The following NINJ2 variants were observed in gnomAD, a reference collection of about 807,000 sequenced individuals.
NINJ2 encodes ninjurin 2.
A neutral mutation model predicts 11.7 loss-of-function variants in NINJ2; 12 were observed. That is an observed-to-expected ratio of 1.02 (90% CI 0.66 to 1.66). NINJ2 has a LOEUF of 1.66. Among genes scored for constraint, NINJ2 ranks in the 40% most tolerant of loss-of-function variants. NINJ2 has a pLI of 0.00. For missense variants in NINJ2, 187 were observed against 181.8 expected (o/e 1.03, Z -0.16); for synonymous variants, 93 against 76.8 (o/e 1.21, Z -1.10).
intron 1 of NINJ2, 101 bp from the exon 2 acceptor site, chr12:566,279 G>T: frequency 1.1e-6 from 1 of 922,768 alleles, no homozygotes; most frequent in Non-Finnish European, 1.6e-6. Flanking sequence ...TTCCAATCCA[G>T]ATGGGAAGCT....
At position 566,181 on chromosome 12, in the gene NINJ2, G is replaced by A; in HGVS notation, c.34-3C>T. On this transcript the variant is annotated splice_region_variant and splice_polypyrimidine_tract_variant and intron_variant, in intron 1 of 3. Transcript: ENST00000305108. Reference sequence around the variant, plus strand: ...CTCCTGGGGTCGGAGCTTCCAGGCTGTAGGGGAGAAAGCACAGACTTACCA... The same window carrying A: ...CTCCTGGGGTCGGAGCTTCCAGGCTATAGGGGAGAAAGCACAGACTTACCA... The A allele has an allele frequency of 6.2e-7, 1 of 1,611,760 alleles. No individual in the cohort carries two copies. The highest frequency in any genetic ancestry group is 8.5e-7 in the Non-Finnish European group (1 of 1,178,452).
intron 1 of NINJ2, among the ~76,000 whole-genome samples, chr12:570,653 G>T (rs781071365): frequency 2.6e-5 from 4 of 152,162 alleles, no homozygotes; most frequent in Non-Finnish European, 4.4e-5. Context: ...ACTCTTCGCC[G>T]CTGGCTCTCG....
chr12:598,283 AG>A (rs1307212799), intron 1 of NINJ2, among the ~76,000 whole-genome samples: 2 of 152,168 alleles, frequency 1.3e-5, no homozygotes, highest in Non-Finnish European at 2.9e-5. Context: ...CTGGGCACCG[AG>A]GGGGTAAGTG....
At chr12:602,211 C>T (rs1249312104) in intron 1 of NINJ2, among the ~76,000 whole-genome samples, 5 of 152,132 alleles carry the variant, frequency 3.3e-5, no homozygotes, top group African/African-American at 1.2e-4. Context: ...GGTTCAGTGG[C>T]TTTTAGTATT....
chr12:577,746 G>A (rs1258141970), intron 1 of NINJ2, among the ~76,000 whole-genome samples: 1 of 141,932 alleles, frequency 7.0e-6, no homozygotes, highest in Non-Finnish European at 1.5e-5. Context: ...TGTAGAGATG[G>A]GGTCTCACCA....
intron 1 of NINJ2, among the ~76,000 whole-genome samples, chr12:626,415 A>G (rs1338496154): frequency 3.9e-5 from 6 of 152,172 alleles, no homozygotes; most frequent in African/African-American, 1.4e-4. Context: ...TCCCAATTCT[A>G]TTGCCCAGAA....
intron 1 of NINJ2, among the ~76,000 whole-genome samples, chr12:634,265 C>CTTTTTTTTTTTTTTGTT (rs1948317946): frequency 1.7e-5 from 1 of 59,480 alleles, no homozygotes; most frequent in Non-Finnish European, 3.1e-5. Context: ...AGTTGCAGTT[C>CTTTTTTTTTTTTTTGTT]TTTTTTTTTT....
chr12:647,387 C>T (rs1937702737), intron 1 of NINJ2, among the ~76,000 whole-genome samples: 2 of 152,144 alleles, frequency 1.3e-5, no homozygotes, highest in African/African-American at 4.8e-5. Flanking sequence ...GTAAATCCCA[C>T]AAGTATGTGG....
intron 1 of NINJ2, among the ~76,000 whole-genome samples, chr12:588,180 A>AGGGACGGAAGGGACGGAG (rs796407479): frequency 9.9e-5 from 15 of 151,252 alleles, no homozygotes; most frequent in Admixed American, 9.9e-4. Context: ...AAGGGACGGA[A>AGGGACGGAAGGGACGGAG]GGGACGGAAG....
chr12:611,227 TTTTCTTTC>T (rs960162979), intron 1 of NINJ2, among the ~76,000 whole-genome samples: 3 of 143,946 alleles, frequency 2.1e-5, no homozygotes, highest in Admixed American at 7.1e-5. Flanking sequence ...CTTTCTTTCT[TTTTCTTTC>T]TTTCTTTCTT....
chr12:565,694 C>T (rs1251482207), intron 2 of NINJ2: 4 of 616,720 alleles, frequency 6.5e-6, no homozygotes, highest in African/African-American at 3.7e-5. Context: ...TAGCAGTTAG[C>T]GAGGTGCTGG....
At chr12:624,421 A>G (rs1013870536) in intron 1 of NINJ2, among the ~76,000 whole-genome samples, 1 of 152,256 alleles carries the variant, frequency 6.6e-6, no homozygotes, top group Non-Finnish European at 1.5e-5. Flanking sequence ...GAATACGGGA[A>G]AATGTATGAA....
At chr12:589,214 AAG>A (rs1947685302) in intron 1 of NINJ2, among the ~76,000 whole-genome samples, 1 of 152,224 alleles carries the variant, frequency 6.6e-6, no homozygotes, top group East Asian at 1.9e-4. Context: ...TGTCTTTGAA[AAG>A]AGAGAGGTGT....
chr12:600,125 C>T (rs187887428), intron 1 of NINJ2, among the ~76,000 whole-genome samples: 42 of 152,266 alleles, frequency 2.8e-4, no homozygotes, highest in Admixed American at 1.9e-3. Flanking sequence ...TTCAATTCCT[C>T]GGGGCTGAAT....
chr12:606,315 A>C (rs1592093052), intron 1 of NINJ2, among the ~76,000 whole-genome samples: 1 of 152,220 alleles, frequency 6.6e-6, no homozygotes, highest in Admixed American at 6.5e-5. Context: ...AAGTAGAACA[A>C]AAAGATGATA....
chr12:644,457 A>T (rs1937645193), intron 1 of NINJ2: 1 of 152,222 alleles, frequency 6.6e-6, no homozygotes, highest in Non-Finnish European at 1.5e-5. Flanking sequence ...AGCATATATG[A>T]ACTTACATCA....
rs147647834 is a variant in NINJ2 at position 565,960 on chromosome 12, G to A, written c.252C>T (p.Leu84=). ...GGCTGGGCTCCTCACCAATGACCAC[G>A]AGCAGGACACCGATGACCACCTGCA... is the stretch of plus-strand genomic sequence containing the variant. ...LLLQVVIGVL[L]VVIARLNLNE... The change falls in exon 2 of 4, where the codon CTC becomes CTT. Residue 84 remains leucine (L), a synonymous_variant. Coordinates refer to ENST00000305108, the MANE Select transcript of NINJ2 (RefSeq NM_016533.6). The A allele has an allele frequency of 6.3e-5, 102 of 1,614,086 alleles. 1 individual carries two copies. Among genetic ancestry groups the A allele is most frequent in the South Asian group, 4.7e-4 (43 of 91,084 alleles).
chr12:661,075 G>C (rs565717147), intron 1 of NINJ2, among the ~76,000 whole-genome samples: 2 of 152,094 alleles, frequency 1.3e-5, no homozygotes, highest in Non-Finnish European at 2.9e-5. Flanking sequence ...TTTAACTAAA[G>C]AGTGTTATTG....
intron 1 of NINJ2, among the ~76,000 whole-genome samples, chr12:604,654 G>T (rs995861214): frequency 6.6e-6 from 1 of 151,958 alleles, no homozygotes; most frequent in African/African-American, 2.4e-5. Context: ...AACAACAATA[G>T]CAAAAAAAGC....
Sources: allele counts gnomAD v4.1 joint callset (sites outside exome capture counted in the v4.1 genomes callset), GRCh38; gene constraint gnomAD v4.1.1; transcripts MANE v1.5; gene names NCBI Gene and HGNC (gene_info 2026-07-23, HGNC 2026-07-21).